The following EHD4 variants were observed in gnomAD, a reference collection of about 807,000 sequenced individuals.
EHD4 encodes EH domain-containing protein 4.
EHD4 carries 37 observed loss-of-function variants against 51.0 expected under a neutral mutation model. The observed-to-expected ratio is 0.73, with a 90% CI of 0.56 to 0.95. The LOEUF (loss-of-function observed/expected upper bound fraction) is 0.95, where lower values mean the gene tolerates loss of function less well. Among genes scored for constraint, EHD4 ranks in the 40% least tolerant of loss-of-function variants. The pLI is 0.00. For synonymous variants in EHD4, 297 were observed against 317.3 expected, an observed-to-expected ratio of 0.94 and a Z score of 0.68; for missense variants, 632 against 733.1, an observed-to-expected ratio of 0.86 and a Z score of 1.59.
chr15:41,929,842 T>A (rs984554018), intron 3 of EHD4, among the ~76,000 whole-genome samples: 1 of 152,186 alleles, frequency 6.6e-6, no homozygotes, highest in Non-Finnish European at 1.5e-5. Flanking sequence ...TCGATTTAGC[T>A]CAGCGTCTGT....
At chr15:41,953,396 T>C (rs2067865862) in intron 2 of EHD4, among the ~76,000 whole-genome samples, 3 of 152,186 alleles carry the variant, frequency 2.0e-5, no homozygotes, top group Non-Finnish European at 4.4e-5. Context: ...CTTTTAAAAT[T>C]TTTTGCAGAG....
At chr15:41,937,179 T>C (rs971290482) in intron 3 of EHD4, among the ~76,000 whole-genome samples, 1 of 152,230 alleles carries the variant, frequency 6.6e-6, no homozygotes, top group Non-Finnish European at 1.5e-5. Flanking sequence ...CAGTATTCCA[T>C]GTGGCCTTCA....
intron 4 of EHD4, among the ~76,000 whole-genome samples, chr15:41,915,762 A>C (rs2067579393): frequency 6.6e-6 from 1 of 152,198 alleles, no homozygotes; most frequent in South Asian, 2.1e-4. Flanking sequence ...GAATCATGAA[A>C]TGAACCCTGA....
In EHD4 at chr15:41,953,805, C is replaced by T. The variant is rs372903734; in HGVS notation, c.372G>A (p.Pro124=). 241 of 1,612,372 alleles carry T rather than the reference C, an allele frequency of 1.5e-4. No individual in the cohort carries two copies. Among genetic ancestry groups the T allele is most frequent in the Non-Finnish European group, 1.9e-4 (219 of 1,179,620 alleles). The stretch of plus-strand genomic sequence containing the variant: ...TTCCAAAGCGACTGAGCTTTCTAAA[C>T]GGCTTTTTGGGGTCCACGACTAAAG... The part of the protein sequence containing the change: ...GNALVVDPKK[P]FRKLSRFGNA... The change falls in exon 2 of 6, where the codon CCG becomes CCA. Residue 124 remains proline (P), a synonymous_variant. Transcript: ENST00000220325.
intron 3 of EHD4, among the ~76,000 whole-genome samples, chr15:41,929,374 G>C (rs768835972): frequency 6.6e-6 from 1 of 152,266 alleles, no homozygotes; most frequent in Non-Finnish European, 1.5e-5. Flanking sequence ...GGGCAAGGGC[G>C]GGAGAGCCCC....
intron 3 of EHD4, among the ~76,000 whole-genome samples, chr15:41,930,697 C>A (rs951793986): frequency 7.2e-5 from 11 of 152,258 alleles, no homozygotes; most frequent in East Asian, 1.9e-4. Context: ...CCAGCTCTAG[C>A]AATTAAGTTA....
rs928018742 is a variant in EHD4, at chr15:41,959,288, C to A, written c.237-5348G>T. Reference sequence around the variant, plus strand: ...GCGGGCGCCTGTAGTCCCAGCTACTCGGGAGGCTGAGGCAGGAGAATGGCG... The same window carrying A: ...GCGGGCGCCTGTAGTCCCAGCTACTAGGGAGGCTGAGGCAGGAGAATGGCG... On this transcript the variant is annotated intron_variant, in intron 1 of 5. Transcript: ENST00000220325. 1.4e-4 allele frequency among the ~76,000 whole-genome samples: 21 copies of A among 150,362 alleles called. No individual in the cohort carries two copies. In the East Asian group the frequency reaches 3.8e-3, roughly 27 times the overall value.
intron 5 of EHD4, among the ~76,000 whole-genome samples, chr15:41,907,691 T>C (rs1309158543): frequency 6.6e-6 from 1 of 151,860 alleles, no homozygotes; most frequent in Non-Finnish European, 1.5e-5. Context: ...GGCCAATTTT[T>C]TTGGATTTTC....
chr15:41,932,527 T>C (rs1426487548), intron 3 of EHD4, among the ~76,000 whole-genome samples: 1 of 152,186 alleles, frequency 6.6e-6, no homozygotes, highest in Non-Finnish European at 1.5e-5. Flanking sequence ...GGAGGCAATT[T>C]TGAGAAAGAG....
chr15:41,941,081 T>G (rs1033530118), intron 3 of EHD4, among the ~76,000 whole-genome samples: 1 of 152,130 alleles, frequency 6.6e-6, no homozygotes, highest in African/African-American at 2.4e-5. Flanking sequence ...GAGCAACCTT[T>G]CTGGGGCTAA....
rs114923185 is a variant in EHD4 at position 41,970,054 on chromosome 15, C to T, written c.236+2205G>A. 8.2e-3 allele frequency among the ~76,000 whole-genome samples: 1,246 copies of T among 152,302 alleles called. 21 individuals carry two copies. The highest frequency in any genetic ancestry group is 0.028 in the African/African-American group (1,176 of 41,540). ...GCTCAGCACCCTGGGCCAACCCTTCCGCTCAAGATGAATCCATGGTTCATT... is the reference window on the plus strand; with the variant it reads ...GCTCAGCACCCTGGGCCAACCCTTCTGCTCAAGATGAATCCATGGTTCATT... On this transcript the variant is annotated intron_variant, in intron 1 of 5. Coordinates refer to ENST00000220325, the MANE Select transcript of EHD4 (RefSeq NM_139265.4).
chr15:41,942,275 T>C (rs558806227), intron 3 of EHD4: 2 of 150,286 alleles, frequency 1.3e-5, no homozygotes, highest in Admixed American at 1.3e-4. Flanking sequence ...GAGACGGAGT[T>C]TCGCTCTTTT....
At chr15:41,952,342 A>T (rs2067857754) in intron 2 of EHD4, among the ~76,000 whole-genome samples, 1 of 151,588 alleles carries the variant, frequency 6.6e-6, no homozygotes, top group African/African-American at 2.4e-5. Context: ...GGCTCGGATG[A>T]CCCTCCCTAG....
At chr15:41,944,281 G>A (rs2067796823) in intron 2 of EHD4, among the ~76,000 whole-genome samples, 6 of 152,216 alleles carry the variant, frequency 3.9e-5, no homozygotes, top group Admixed American at 3.9e-4. Flanking sequence ...GAAGTGCTTT[G>A]TTACTTCCAC....
Position 41,957,421 on chromosome 15 carries a change from C to T in EHD4, c.237-3481G>A, listed in dbSNP as rs73395639. Among the ~76,000 whole-genome samples the T allele has an allele frequency of 9.6e-3, 1,465 of 152,210 alleles. 24 individuals carry two copies. The highest frequency in any genetic ancestry group is 0.034 in the African/African-American group (1,411 of 41,516). ...CTGGTGTTATTTGAGGGCCTGTTTC[C>T]TCTCCTCTCTTGGGCTGTCATTTCC... On this transcript the variant is annotated intron_variant, in intron 1 of 5. Coordinates refer to ENST00000220325, the MANE Select transcript of EHD4 (RefSeq NM_139265.4).
chr15:41,902,241 CTCCATCCATCCATCCATCCATCCA>C (rs56023420), intron 5 of EHD4, among the ~76,000 whole-genome samples: 18 of 146,314 alleles, frequency 1.2e-4, no homozygotes, highest in African/African-American at 4.6e-4. Context: ...TCCTTGGTTA[CTCCATCCATCCATCCATCCATCCA>C]TCCATCCATC....
intron 3 of EHD4, among the ~76,000 whole-genome samples, chr15:41,931,210 T>C (rs1010450988): frequency 2.6e-5 from 4 of 152,218 alleles, no homozygotes; most frequent in African/African-American, 9.6e-5. Flanking sequence ...ACATGTTGTT[T>C]TGAAATATGT....
intron 1 of EHD4, among the ~76,000 whole-genome samples, chr15:41,958,315 A>G (rs932457321): frequency 1.3e-5 from 2 of 151,976 alleles, no homozygotes; most frequent in Admixed American, 6.6e-5. Flanking sequence ...AGGTATGGAC[A>G]TTTGGATTCC....
chr15:41,924,395 G>A (rs1278211967), intron 3 of EHD4, among the ~76,000 whole-genome samples: 1 of 152,140 alleles, frequency 6.6e-6, no homozygotes, highest in African/African-American at 2.4e-5. Context: ...TCTGTGCCTC[G>A]TTTCCTCATC....
Sources: allele counts gnomAD v4.1 joint callset (sites outside exome capture counted in the v4.1 genomes callset), GRCh38; gene constraint gnomAD v4.1.1; transcripts MANE v1.5; gene names NCBI Gene and HGNC (gene_info 2026-07-23, HGNC 2026-07-21).